The following SPIRE1 variants were observed in gnomAD, a reference collection of about 807,000 sequenced individuals.
The protein encoded by SPIRE1 is protein spire homolog 1.
SPIRE1 carries 40 observed loss-of-function variants against 94.1 expected under a neutral mutation model. The observed-to-expected ratio is 0.43, with a 90% CI of 0.33 to 0.55. The LOEUF (loss-of-function observed/expected upper bound fraction) is 0.55. Among genes scored for constraint, SPIRE1 ranks in the 20% least tolerant of loss-of-function variants. SPIRE1 has a pLI of 0.06. For missense variants in SPIRE1, 838 were observed against 975.2 expected (o/e 0.86, Z 1.87); for synonymous variants, 376 against 371.7 (o/e 1.01, Z -0.13).
chr18:12,552,140 T>G (rs1001662830), intron 2 of SPIRE1, among the ~76,000 whole-genome samples: 1 of 152,250 alleles, frequency 6.6e-6, no homozygotes, highest in African/African-American at 2.4e-5. Flanking sequence ...TAGTGGGAAC[T>G]TGAGTTCTGG....
At chr18:12,515,122 T>C (rs933470701) in intron 4 of SPIRE1, among the ~76,000 whole-genome samples, 2 of 152,160 alleles carry the variant, frequency 1.3e-5, no homozygotes, top group East Asian at 1.9e-4. Context: ...AGAAGCAATA[T>C]ACTGCTTACC....
intron 2 of SPIRE1, among the ~76,000 whole-genome samples, chr18:12,560,759 G>A (rs931949114): frequency 2.0e-5 from 3 of 152,154 alleles, no homozygotes; most frequent in Non-Finnish European, 4.4e-5. Context: ...GGCTGAGGTG[G>A]GAGAACTGCT....
intron 16 of SPIRE1, among the ~76,000 whole-genome samples, chr18:12,451,762 C>A (rs1237514468): frequency 6.6e-6 from 1 of 152,214 alleles, no homozygotes; most frequent in Non-Finnish European, 1.5e-5. Context: ...GCACTAAATG[C>A]AAAGGGACTG....
intron 12 of SPIRE1, among the ~76,000 whole-genome samples, chr18:12,456,633 A>C (rs1307221137): frequency 6.6e-6 from 1 of 152,180 alleles, no homozygotes; most frequent in Non-Finnish European, 1.5e-5. Context: ...AACTTAACTG[A>C]CTTTATGATG....
chr18:12,493,211 A>G lies in SPIRE1; in HGVS notation c.1060-10T>C, dbSNP rs2033305553. On this transcript the variant is annotated splice_polypyrimidine_tract_variant and intron_variant, in intron 7 of 16. Coordinates refer to ENST00000409402, the MANE Select transcript of SPIRE1 (RefSeq NM_001128626.2). ...GTTTTCTGGCTGAGACCTTGAAAGT[A>G]AGAAAAATGGCTAAAGACTTCAGTA... 2.5e-6 allele frequency: 4 copies of G among 1,606,886 alleles called. No homozygotes were observed. Among genetic ancestry groups the G allele is most frequent in the South Asian group, 1.1e-5 (1 of 89,908 alleles).
At chr18:12,531,882 G>A (rs1419444915) in intron 4 of SPIRE1, among the ~76,000 whole-genome samples, 1 of 152,130 alleles carries the variant, frequency 6.6e-6, no homozygotes, top group African/African-American at 2.4e-5. Flanking sequence ...GCACAGCACA[G>A]GCTCACCAGC....
In SPIRE1 at chr18:12,506,626, G is replaced by T; in HGVS notation, c.823C>A (p.Gln275Lys). Reference protein sequence around the residue: ...KNADWARFWVQVMRDLRNGVK... With the variant: ...KNADWARFWVKVMRDLRNGVK... ...CCATTCCTCAAATCCCTCATCACCT[G>T]TACCCAGAATCGTGCCTGAAAGAAC... The change falls in exon 6 of 17, where the codon CAG (glutamine) becomes AAG (lysine). Residue 275 changes from glutamine (Q) to lysine (K), a missense_variant. Physicochemically the swap from Gln to Lys is moderately conservative, Grantham distance 53. Coordinates refer to ENST00000409402, the MANE Select transcript of SPIRE1 (RefSeq NM_001128626.2). 6.2e-7 allele frequency: 1 copy of T among 1,614,056 alleles called. No individual in the cohort carries two copies. The highest frequency in any genetic ancestry group is 8.5e-7 in the Non-Finnish European group (1 of 1,179,996).
chr18:12,455,428 C>T (rs945823558), intron 12 of SPIRE1, among the ~76,000 whole-genome samples: 6 of 152,176 alleles, frequency 3.9e-5, no homozygotes, highest in Admixed American at 3.3e-4. Flanking sequence ...CTCCAGGCTG[C>T]CCCACAGTTC....
intron 9 of SPIRE1, 93 bp downstream of exon 9, chr18:12,485,866 T>G: frequency 2.0e-6 from 2 of 979,098 alleles, no homozygotes; most frequent in Non-Finnish European, 3.1e-6. Context: ...CAATTTTCTT[T>G]TTTAACATGT....
rs1201159547 is a variant in SPIRE1, at chr18:12,449,618, G to A, written c.*20C>T. The stretch of plus-strand genomic sequence containing the variant: ...ACGGACGCTGACTCGTAGCACAAAA[G>A]CAGCTGAAAGGCACGAGGCTCAGAT... On this transcript the variant is annotated 3_prime_UTR_variant, in exon 17 of 17. Coordinates refer to ENST00000409402, the MANE Select transcript of SPIRE1 (RefSeq NM_001128626.2). 2 of 1,609,796 alleles carry A rather than the reference G, an allele frequency of 1.2e-6. No individual in the cohort carries two copies.
At chr18:12,508,648 AT>A (rs1320600586) in intron 5 of SPIRE1, among the ~76,000 whole-genome samples, 1 of 151,670 alleles carries the variant, frequency 6.6e-6, no homozygotes, top group Admixed American at 6.6e-5. Context: ...TTTTGCTATA[AT>A]TTATAAAAGG....
At chr18:12,463,297 TTCTATGTC>T in intron 12 of SPIRE1, 46 bp downstream of exon 12, 1 of 1,476,478 alleles carries the variant, frequency 6.8e-7, no homozygotes, top group South Asian at 1.5e-5. Context: ...AAGCTAATGA[TTCTATGTC>T]TTCTAGCTGG....
At chr18:12,557,536 T>C (rs1182032284) in intron 2 of SPIRE1, among the ~76,000 whole-genome samples, 1 of 151,354 alleles carries the variant, frequency 6.6e-6, no homozygotes, top group Non-Finnish European at 1.5e-5. Context: ...TCTCCATACC[T>C]CCCTGCAAGC....
intron 13 of SPIRE1, 91 bp from the exon 14 acceptor site, chr18:12,453,229 G>C: frequency 1.2e-6 from 1 of 804,876 alleles, no homozygotes; most frequent in Non-Finnish European, 2.0e-6. Flanking sequence ...TCTATATATA[G>C]GGGAAGCTGA....
chr18:12,536,110 A>T (rs1469198848), intron 3 of SPIRE1, among the ~76,000 whole-genome samples: 2 of 152,208 alleles, frequency 1.3e-5, no homozygotes, highest in Non-Finnish European at 2.9e-5. Context: ...ACTAACTAAC[A>T]GAGACCCAAC....
upstream of SPIRE1, chr18:12,658,798 T>C: frequency 3.2e-6 from 1 of 314,024 alleles, no homozygotes; most frequent in Non-Finnish European, 6.5e-6. Flanking sequence ...GACGGGGATC[T>C]TTACGGGTTT....
chr18:12,492,824 T>G (rs763628780), intron 8 of SPIRE1, among the ~76,000 whole-genome samples: 2 of 152,122 alleles, frequency 1.3e-5, no homozygotes. Flanking sequence ...CACGATGTTC[T>G]CATATAGTTC....
intron 2 of SPIRE1, among the ~76,000 whole-genome samples, chr18:12,584,102 C>T (rs1283723624): frequency 1.3e-5 from 2 of 151,862 alleles, no homozygotes; most frequent in Non-Finnish European, 2.9e-5. Context: ...ATATATAATA[C>T]ATGCCAGGAA....
rs188007210 is a variant in SPIRE1 at position 12,463,761 on chromosome 18, A to C, written c.1496-268T>G. Among the ~76,000 whole-genome samples, 25 of 152,324 alleles carry C rather than the reference A, an allele frequency of 1.6e-4. No homozygotes were observed. In the East Asian group the frequency reaches 2.9e-3, roughly 18 times the overall value. On this transcript the variant is annotated intron_variant, in intron 11 of 16. Coordinates refer to ENST00000409402, the MANE Select transcript of SPIRE1 (RefSeq NM_001128626.2). ...ATTCCCAAATCATACCAAAATTCTC[A>C]ATGTACCCTCTTTTTACATTCTCCT...
Sources: allele counts gnomAD v4.1 joint callset (sites outside exome capture counted in the v4.1 genomes callset), GRCh38; gene constraint gnomAD v4.1.1; transcripts MANE v1.5; gene names NCBI Gene and HGNC (gene_info 2026-07-23, HGNC 2026-07-21).